Variants in MICAL2 observed in about 807,000 individuals in gnomAD.
MICAL2 encodes the protein microtubule associated monooxygenase, calponin and LIM domain containing 2.
MICAL2 carries 77 observed loss-of-function variants against 127.3 expected under a neutral mutation model. The observed-to-expected ratio is 0.60, with a 90% confidence interval of 0.50 to 0.73. The LOEUF is 0.73. Among genes scored for constraint, MICAL2 ranks in the 30% least tolerant of loss-of-function variants. The pLI is 0.00. For synonymous variants in MICAL2, 570 were observed against 551.1 expected, an observed-to-expected ratio of 1.03 and a Z score of -0.48; for missense variants, 1,351 against 1,434.4, an observed-to-expected ratio of 0.94 and a Z score of 0.94.
intron 32 of MICAL2, among the ~76,000 whole-genome samples, chr11:12,341,176 C>G (rs1938858151): frequency 6.6e-6 from 1 of 152,164 alleles, no homozygotes; most frequent in South Asian, 2.1e-4. Flanking sequence ...CCCAGCCATT[C>G]CAGGGGAGAG....
Position 12,227,245 on chromosome 11 carries a change from G to A in MICAL2, c.1995+114G>A, listed in dbSNP as rs572978114. 36 of 726,894 alleles carry A rather than the reference G, an allele frequency of 5.0e-5. No individual in the cohort carries two copies. In the Middle Eastern group the frequency reaches 9.0e-4, roughly 18 times the overall value. The allele number at this position is 726,894 out of a possible 1,614,324, so 45.0% of individuals were successfully genotyped here. ...GGCTAGTAAGTTACATGGATCAGGC[G>A]CTCCCGGAAGATGCTAGTAAAACTC... On this transcript the variant is annotated intron_variant, in intron 15 of 27. Coordinates refer to ENST00000683283, the MANE Select transcript of MICAL2 (RefSeq NM_001282663.2).
At chr11:12,166,568 G>A (rs1169017897) in intron 3 of MICAL2, among the ~76,000 whole-genome samples, 4 of 152,122 alleles carry the variant, frequency 2.6e-5, no homozygotes, top group African/African-American at 9.7e-5. Context: ...AATATCTCTG[G>A]TCCTCAGTAG....
At chr11:12,269,816 G>A (rs959958451) in intron 24 of MICAL2, among the ~76,000 whole-genome samples, 3 of 152,380 alleles carry the variant, frequency 2.0e-5, no homozygotes, top group African/African-American at 7.2e-5. Context: ...AGTGGAGGGT[G>A]TGTCCGTGTG....
intron 32 of MICAL2, among the ~76,000 whole-genome samples, chr11:12,342,218 G>A (rs180863005): frequency 1.1e-4 from 17 of 152,308 alleles, no homozygotes; most frequent in African/African-American, 2.9e-4. Context: ...TTGCAGCTGC[G>A]TCCTGGTTCC....
Position 12,213,260 on chromosome 11 carries a change from A to G in MICAL2, c.697A>G (p.Arg233Gly). 20 of 1,611,338 alleles carry G rather than the reference A, an allele frequency of 1.2e-5. No individual in the cohort carries two copies. The highest frequency in any genetic ancestry group is 1.7e-5 in the Non-Finnish European group (20 of 1,178,702). ...TTTCATTTCTCCTCATGCAGGGTTC[A>G]GAAGAAAAGAATTCCGTGGGAAGCT... is the stretch of plus-strand genomic sequence containing the variant. ...DGRRNTLEGF[R>G]RKEFRGKLAI... Residue 233 changes from arginine to glycine, a missense_variant, in exon 7 of 28, where the codon AGA becomes GGA. Around this residue, in one of 2 missense-constraint regions of MICAL2, gnomAD observed 599 missense variants for 714.9 expected, o/e 0.84. Coordinates refer to ENST00000683283, the MANE Select transcript of MICAL2 (RefSeq NM_001282663.2).
At chr11:12,213,231 A>G in intron 6 of MICAL2, 24 bp from the exon 7 acceptor site, 2 of 1,584,476 alleles carry the variant, frequency 1.3e-6, no homozygotes, top group Non-Finnish European at 1.7e-6. Flanking sequence ...AGATAGACCC[A>G]CTTTTTCATT....
intron 21 of MICAL2, among the ~76,000 whole-genome samples, chr11:12,245,549 G>A (rs1053052888): frequency 6.6e-6 from 1 of 152,206 alleles, no homozygotes; most frequent in Non-Finnish European, 1.5e-5. Context: ...ACCCCAGAAA[G>A]GGCAGCAGCA....
intron 33 of MICAL2, among the ~76,000 whole-genome samples, chr11:12,350,733 G>A (rs952093425): frequency 3.9e-5 from 6 of 152,094 alleles, no homozygotes; most frequent in Admixed American, 3.9e-4. Context: ...ATAATGGCTT[G>A]TACCTGGCTA....
At chr11:12,342,693 C>T (rs1381162075) in intron 32 of MICAL2, among the ~76,000 whole-genome samples, 1 of 152,210 alleles carries the variant, frequency 6.6e-6, no homozygotes, top group African/African-American at 2.4e-5. Context: ...TGCGTCAGCT[C>T]ATTTAATCCA....
intron 32 of MICAL2, chr11:12,327,323 T>A: frequency 7.0e-7 from 1 of 1,429,120 alleles, no homozygotes; most frequent in Non-Finnish European, 9.5e-7. Context: ...AGTGCTAGCG[T>A]AACCATCTGA....
At chr11:12,144,168 T>C (rs980663292) in intron 2 of MICAL2, among the ~76,000 whole-genome samples, 8 of 152,242 alleles carry the variant, frequency 5.3e-5, no homozygotes, top group African/African-American at 1.9e-4. Context: ...CCCTATCTGC[T>C]GCCCGTGGGT....
intron 32 of MICAL2, among the ~76,000 whole-genome samples, chr11:12,345,876 T>C (rs2134890936): frequency 6.6e-6 from 1 of 152,150 alleles, no homozygotes; most frequent in East Asian, 1.9e-4. Context: ...TCTTGGAAAA[T>C]TAGAGGGTAA....
intron 2 of MICAL2, among the ~76,000 whole-genome samples, chr11:12,138,890 C>T (rs1852080884): frequency 6.6e-6 from 1 of 152,144 alleles, no homozygotes; most frequent in Non-Finnish European, 1.5e-5. Context: ...CTATGGGAAC[C>T]TTTGTGCCCT....
chr11:12,299,667 G>A (rs1246104188), intron 29 of MICAL2, among the ~76,000 whole-genome samples: 4 of 152,022 alleles, frequency 2.6e-5, no homozygotes, highest in African/African-American at 7.2e-5. Context: ...TTGCATAAAC[G>A]TTTTTATTGC....
chr11:12,235,785 G>A (rs1858966893), intron 15 of MICAL2, among the ~76,000 whole-genome samples: 1 of 152,178 alleles, frequency 6.6e-6, no homozygotes, highest in Non-Finnish European at 1.5e-5. Flanking sequence ...AGCAGACCTG[G>A]CTGTGGCCTT....
At chr11:12,163,894 C>T (rs1855153263) in intron 3 of MICAL2, 1 of 151,950 alleles carries the variant, frequency 6.6e-6, no homozygotes, top group Non-Finnish European at 1.5e-5. Flanking sequence ...TTAAAGGTCC[C>T]ATAAAAGTCA....
chr11:12,171,883 T>C (rs10831749), intron 3 of MICAL2, among the ~76,000 whole-genome samples: 64,374 of 152,138 alleles, frequency 0.42, 14,345 homozygotes, highest in African/African-American at 0.57. Context: ...ATATATTTTA[T>C]TTAACCTAAT....
At chr11:12,143,218 A>G (rs893709084) in intron 2 of MICAL2, among the ~76,000 whole-genome samples, 1 of 152,152 alleles carries the variant, frequency 6.6e-6, no homozygotes, top group African/African-American at 2.4e-5. Context: ...TCTCCAAGGA[A>G]ACTGGGTGGA....
chr11:12,326,583 A>G (rs1231894694), intron 31 of MICAL2, among the ~76,000 whole-genome samples: 1 of 152,198 alleles, frequency 6.6e-6, no homozygotes, highest in Non-Finnish European at 1.5e-5. Flanking sequence ...CACTTCCACA[A>G]TGAAAGAACG....
Sources: allele counts gnomAD v4.1 joint callset (sites outside exome capture counted in the v4.1 genomes callset), GRCh38; gene constraint gnomAD v4.1.1; regional missense constraint gnomAD v4.1.1; transcripts MANE v1.5; gene names NCBI Gene and HGNC (gene_info 2026-07-23, HGNC 2026-07-21).